PPP1R7: variants seen among roughly 807,000 people sequenced by gnomAD.
The protein encoded by PPP1R7 is protein phosphatase 1 regulatory subunit 7.
In PPP1R7, 18 loss-of-function variants were observed where a neutral mutation model predicts 45.2. The observed-to-expected ratio is 0.40, with a 90% CI of 0.28 to 0.59. The LOEUF is 0.59. Among genes scored for constraint, PPP1R7 ranks in the 20% least tolerant of loss-of-function variants. The pLI is 0.46. For synonymous variants in PPP1R7, 181 were observed against 183.4 expected (o/e 0.99, Z 0.11); for missense variants, 314 against 455.8 (o/e 0.69, Z 2.83).
Position 241,169,879 on chromosome 2 carries a change from A to C in PPP1R7, c.906+12A>C, listed in dbSNP as rs376376907. On this transcript the variant is annotated intron_variant, in intron 9 of 9. Transcript: ENST00000234038. The stretch of plus-strand genomic sequence containing the variant: ...TGCAAGAGTTCTGGGTAAGTTTAAT[A>C]CACGCTGGGGTTGATGACACTTTGA... 1 of 1,587,186 alleles carries C rather than the reference A, an allele frequency of 6.3e-7. No homozygotes were observed. Among genetic ancestry groups the C allele is most frequent in the East Asian group, 2.2e-5 (1 of 44,762 alleles).
chr2:241,159,145 G>A, intron 4 of PPP1R7, 68 bp from the exon 5 acceptor site: 1 of 1,549,948 alleles, frequency 6.5e-7, no homozygotes, highest in Non-Finnish European at 8.8e-7. Context: ...GTGTCCTCCA[G>A]TATCAGCTGA....
intron 8 of PPP1R7, among the ~76,000 whole-genome samples, chr2:241,167,686 G>GTT (rs1450652641): frequency 6.6e-6 from 1 of 152,154 alleles, no homozygotes; most frequent in African/African-American, 2.4e-5. Context: ...AATTTTACCA[G>GTT]TAGAAGTGCT....
At chr2:241,158,448 T>C (rs371710790) in intron 3 of PPP1R7, 36 bp from the exon 4 acceptor site, 1 of 1,607,346 alleles carries the variant, frequency 6.2e-7, no homozygotes, top group African/African-American at 1.3e-5. Context: ...CCAGCCACTT[T>C]GCTATAGCTG....
At chr2:241,152,208 A>G (rs1377767163) in intron 1 of PPP1R7, among the ~76,000 whole-genome samples, 2 of 152,196 alleles carry the variant, frequency 1.3e-5, no homozygotes, top group Non-Finnish European at 2.9e-5. Context: ...TTGCTGAGGC[A>G]TAGGTGCTAT....
chr2:241,168,470 C>A (rs977224420), intron 8 of PPP1R7, among the ~76,000 whole-genome samples: 8 of 152,206 alleles, frequency 5.3e-5, no homozygotes, highest in Admixed American at 5.2e-4. Context: ...GAGGCCTGTT[C>A]CAGCCCCACC....
At chr2:241,153,679 G>A in intron 2 of PPP1R7, 75 bp downstream of exon 2, 1 of 1,563,306 alleles carries the variant, frequency 6.4e-7, no homozygotes, top group South Asian at 1.2e-5. Flanking sequence ...TCTGGCCCTG[G>A]GTGTGGGTGC....
chr2:241,151,841 CAG>C (rs1201015916), intron 1 of PPP1R7, among the ~76,000 whole-genome samples: 1 of 152,204 alleles, frequency 6.6e-6, no homozygotes, highest in Non-Finnish European at 1.5e-5. Context: ...TACCTTAACT[CAG>C]ACCTTCATCA....
At chr2:241,151,240 C>A (rs2067292778) in intron 1 of PPP1R7, among the ~76,000 whole-genome samples, 1 of 152,186 alleles carries the variant, frequency 6.6e-6, no homozygotes, top group Non-Finnish European at 1.5e-5. Flanking sequence ...TGCACACACC[C>A]ACTTAGCAAC....
At chr2:241,168,532 T>C (rs2067760579) in intron 8 of PPP1R7, among the ~76,000 whole-genome samples, 1 of 152,220 alleles carries the variant, frequency 6.6e-6, no homozygotes. Flanking sequence ...TGCAACATTT[T>C]CCTGCAGTCC....
intron 9 of PPP1R7, among the ~76,000 whole-genome samples, chr2:241,179,134 A>G (rs531490001): frequency 2.6e-5 from 4 of 152,288 alleles, no homozygotes; most frequent in African/African-American, 9.6e-5. Context: ...CTGCCAGGAA[A>G]ACGTCAGCCA....
intron 5 of PPP1R7, 33 bp downstream of exon 5, chr2:241,159,376 G>A (rs1463377061): frequency 3.7e-6 from 6 of 1,607,508 alleles, no homozygotes; most frequent in Non-Finnish European, 4.3e-6. Flanking sequence ...GAACAGCATG[G>A]TGGGAAGGCC....
chr2:241,159,961 TTGTTTC>T (rs1483031229), intron 5 of PPP1R7, among the ~76,000 whole-genome samples: 4 of 152,362 alleles, frequency 2.6e-5, no homozygotes, highest in African/African-American at 7.2e-5. Context: ...TTTGCTTGTT[TTGTTTC>T]TGTTTCTAAT....
At chr2:241,149,894 A>G (rs957148037), upstream of PPP1R7, 8 of 1,441,060 alleles carry the variant, frequency 5.6e-6, no homozygotes, top group Non-Finnish European at 7.2e-6. Context: ...TAGCGGCCCC[A>G]CCAGCGCAAG....
intron 9 of PPP1R7, among the ~76,000 whole-genome samples, chr2:241,179,300 A>C (rs555802463): frequency 2.6e-5 from 4 of 152,316 alleles, no homozygotes; most frequent in Non-Finnish European, 4.4e-5. Flanking sequence ...GCATGTTCCC[A>C]GAGTCATCTG....
chr2:241,160,846 T>A (rs1446077947), intron 6 of PPP1R7, among the ~76,000 whole-genome samples: 1 of 152,226 alleles, frequency 6.6e-6, no homozygotes, highest in Non-Finnish European at 1.5e-5. Flanking sequence ...CTGGCATGCT[T>A]CTTCGAGATG....
chr2:241,158,068 G>A (rs2067500116), intron 3 of PPP1R7, among the ~76,000 whole-genome samples: 1 of 152,148 alleles, frequency 6.6e-6, no homozygotes. Context: ...CAGATGAGAT[G>A]CCTTTGACTC....
In PPP1R7 at chr2:241,179,635, G is replaced by A. The variant is rs149943338; in HGVS notation, c.907-3012G>A. Among the ~76,000 whole-genome samples the A allele has an allele frequency of 3.4e-3, 524 of 152,292 alleles. 2 individuals carry two copies. Among genetic ancestry groups the A allele is most frequent in the South Asian group, 0.015 (71 of 4,824 alleles). Reference sequence around the variant, plus strand: ...CCCTCTGGGGGAAAGGAATGTGCCCGCGCTCCCCAGCCAGGCTCCCTGACA... The same window carrying A: ...CCCTCTGGGGGAAAGGAATGTGCCCACGCTCCCCAGCCAGGCTCCCTGACA... On this transcript the variant is annotated intron_variant, in intron 9 of 9. Coordinates refer to ENST00000234038, the MANE Select transcript of PPP1R7 (RefSeq NM_002712.3).
intron 7 of PPP1R7, 39 bp downstream of exon 7, chr2:241,163,440 G>C: frequency 2.8e-6 from 4 of 1,407,956 alleles, no homozygotes; most frequent in Non-Finnish European, 4.0e-6. Context: ...TGCGAGCCCT[G>C]GCAGGGCCAG....
intron 2 of PPP1R7, among the ~76,000 whole-genome samples, chr2:241,156,529 A>T (rs2067461035): frequency 6.6e-6 from 1 of 152,166 alleles, no homozygotes; most frequent in Non-Finnish European, 1.5e-5. Context: ...TTAAAAAATT[A>T]GCCAGGCATG....
Sources: allele counts gnomAD v4.1 joint callset (sites outside exome capture counted in the v4.1 genomes callset), GRCh38; gene constraint gnomAD v4.1.1; transcripts MANE v1.5; gene names NCBI Gene and HGNC (gene_info 2026-07-23, HGNC 2026-07-21).